AKAP19: variants seen among roughly 807,000 people sequenced by gnomAD.
AKAP19 encodes small A-kinase anchoring protein.
At chr2:190,130,679 G>A in the AKAP19 span, among the ~76,000 whole-genome samples, 14 of 152,106 alleles carry the variant, frequency 9.2e-5, no homozygotes, top group African/African-American at 3.4e-4. Flanking sequence ...AAAATGACTG[G>A]CTTGAGAAGG....
chr2:190,147,926 A>G, the AKAP19 span, among the ~76,000 whole-genome samples: 1 of 152,088 alleles, frequency 6.6e-6, no homozygotes, highest in Admixed American at 6.6e-5. Flanking sequence ...TAGGGTTTTC[A>G]AGGTAAACGA....
chr2:190,042,800 A>C, the AKAP19 span, among the ~76,000 whole-genome samples: 1 of 152,174 alleles, frequency 6.6e-6, no homozygotes, highest in Admixed American at 6.5e-5. Flanking sequence ...ACTGGTCTGC[A>C]TGTATAAGTG....
the AKAP19 span, among the ~76,000 whole-genome samples, chr2:190,111,571 G>T: frequency 6.6e-6 from 1 of 152,164 alleles, no homozygotes; most frequent in Non-Finnish European, 1.5e-5. Flanking sequence ...TATTTTGAGA[G>T]ATTAAGTCTT....
the AKAP19 span, among the ~76,000 whole-genome samples, chr2:190,043,311 C>T: frequency 6.6e-6 from 1 of 152,176 alleles, no homozygotes; most frequent in Non-Finnish European, 1.5e-5. Flanking sequence ...GCTTTCTCCC[C>T]CTCCCTTTCT....
the AKAP19 span, among the ~76,000 whole-genome samples, chr2:190,024,961 C>T: frequency 2.0e-5 from 3 of 152,172 alleles, no homozygotes; most frequent in Non-Finnish European, 4.4e-5. Flanking sequence ...ATGAAACCTG[C>T]TCCTTTTAAA....
At chr2:190,015,062 C>A in the AKAP19 span, among the ~76,000 whole-genome samples, 29 of 152,292 alleles carry the variant, frequency 1.9e-4, no homozygotes, top group Non-Finnish European at 3.5e-4. Flanking sequence ...CATGCACATG[C>A]AAGCTGTCGG....
the AKAP19 span, among the ~76,000 whole-genome samples, chr2:189,989,181 T>C: frequency 1.3e-5 from 2 of 152,204 alleles, no homozygotes; most frequent in African/African-American, 4.8e-5. Flanking sequence ...GCTTAGACTT[T>C]ATTAAGCATG....
chr2:189,974,249 C>T, the AKAP19 span, among the ~76,000 whole-genome samples: 2 of 152,124 alleles, frequency 1.3e-5, no homozygotes, highest in East Asian at 3.8e-4. Context: ...CAGTAGTCAT[C>T]CAGGAGCAGG....
chr2:190,129,688 A>G, the AKAP19 span, among the ~76,000 whole-genome samples: 4 of 152,062 alleles, frequency 2.6e-5, no homozygotes, highest in African/African-American at 9.7e-5. Context: ...AAGTAACCAA[A>G]CCAGACAAGT....
chr2:190,182,301 A>G, the AKAP19 span, among the ~76,000 whole-genome samples: 1 of 152,222 alleles, frequency 6.6e-6, no homozygotes, highest in Non-Finnish European at 1.5e-5. Context: ...TGAACTTAGA[A>G]ACAAGATTTT....
At chr2:190,081,342 C>G in the AKAP19 span, among the ~76,000 whole-genome samples, 1 of 152,070 alleles carries the variant, frequency 6.6e-6, no homozygotes, top group Non-Finnish European at 1.5e-5. Flanking sequence ...CATTACAAGA[C>G]CTCCTTTAAC....
the AKAP19 span, among the ~76,000 whole-genome samples, chr2:190,092,901 CTG>C: frequency 6.6e-6 from 1 of 152,112 alleles, no homozygotes; most frequent in Non-Finnish European, 1.5e-5. Flanking sequence ...ATTCTAAACT[CTG>C]TGAAGAGTTT....
the AKAP19 span, among the ~76,000 whole-genome samples, chr2:189,976,935 G>A: frequency 1.4e-4 from 22 of 152,250 alleles, 1 homozygote; most frequent in East Asian, 2.5e-3. Context: ...TGGGTGAGGC[G>A]ATGCCTTGCC....
chr2:189,970,383 T>C, the AKAP19 span, among the ~76,000 whole-genome samples: 1 of 152,204 alleles, frequency 6.6e-6, no homozygotes, highest in Non-Finnish European at 1.5e-5. Flanking sequence ...TTATTTGATA[T>C]TTATCATTCC....
chr2:190,196,114 A>G, the AKAP19 span, among the ~76,000 whole-genome samples: 1 of 151,616 alleles, frequency 6.6e-6, no homozygotes, highest in African/African-American at 2.4e-5. Context: ...AGGCTTTTTC[A>G]TATGTTGGTT....
the AKAP19 span, among the ~76,000 whole-genome samples, chr2:189,886,596 T>C: frequency 6.6e-6 from 1 of 152,260 alleles, no homozygotes; most frequent in Admixed American, 6.5e-5. Flanking sequence ...GTCGGAAGAA[T>C]AGAAATGCAG....
At chr2:190,056,506 C>T in the AKAP19 span, 1 of 152,514 alleles carries the variant, frequency 6.6e-6, no homozygotes. Context: ...AATGCAGTTT[C>T]TCCAAGTATG....
chr2:190,117,233 A>C, the AKAP19 span, among the ~76,000 whole-genome samples: 6 of 152,224 alleles, frequency 3.9e-5, no homozygotes, highest in African/African-American at 1.4e-4. Flanking sequence ...ATAAAAAATT[A>C]TAAAAGGCCT....
chr2:190,047,056 T>C, the AKAP19 span, among the ~76,000 whole-genome samples: 5 of 152,166 alleles, frequency 3.3e-5, no homozygotes, highest in Admixed American at 2.0e-4. Flanking sequence ...CTCCTTAACA[T>C]GTTTCACTGG....
Sources: allele counts gnomAD v4.1 joint callset (sites outside exome capture counted in the v4.1 genomes callset), GRCh38; gene constraint gnomAD v4.1.1; transcripts MANE v1.5; gene names NCBI Gene and HGNC (gene_info 2026-07-23, HGNC 2026-07-21).